Variants in ARL5B observed in about 807,000 individuals in gnomAD.
ARL5B encodes ARF like GTPase 5B.
A neutral mutation model predicts 26.9 loss-of-function variants in ARL5B; 10 were observed. That is an observed-to-expected ratio of 0.37 (90% CI 0.23 to 0.63). ARL5B has a LOEUF of 0.63. Ranked by LOEUF, ARL5B falls within the 30% of genes least tolerant of loss-of-function variation. The probability of loss-of-function intolerance (pLI) is 0.62; values close to 1 mark genes in which losing one functional copy is unlikely to be tolerated. For synonymous variants in ARL5B, 87 were observed against 70.4 expected (o/e 1.24, Z -1.18); for missense variants, 167 against 213.9 (o/e 0.78, Z 1.37).
intron 3 of ARL5B, among the ~76,000 whole-genome samples, chr10:18,669,466 A>G (rs140246367): frequency 6.6e-6 from 1 of 152,288 alleles, no homozygotes; most frequent in Non-Finnish European, 1.5e-5. Flanking sequence ...ATCATCTCTC[A>G]AAGTTCTCTG....
chr10:18,662,465 G>A (rs1477405394), intron 1 of ARL5B, among the ~76,000 whole-genome samples: 1 of 152,116 alleles, frequency 6.6e-6, no homozygotes, highest in Non-Finnish European at 1.5e-5. Flanking sequence ...CTGGAAGCCT[G>A]TTTACTTCGA....
Position 18,679,321 on chromosome 10 carries a change from T to G in ARL5B, c.*4105T>G, listed in dbSNP as rs2059923200. ...TAATTGAATGGAAGTGGTTAATTTG[T>G]TCAGAGTTTATTGCCGTTTGATGCC... On this transcript the variant is annotated 3_prime_UTR_variant, in exon 6 of 6. Coordinates refer to ENST00000377275, the MANE Select transcript of ARL5B (RefSeq NM_178815.5). The G allele has an allele frequency of 6.6e-6, 1 of 151,982 alleles. No individual in the cohort carries two copies. Among genetic ancestry groups the G allele is most frequent in the African/African-American group, 2.4e-5 (1 of 41,432 alleles). The allele number at this position is 151,982 out of a possible 1,614,324, so 9.4% of individuals were successfully genotyped here.
At chr10:18,666,692 C>CAATT in intron 2 of ARL5B, 57 bp downstream of exon 2, 1 of 1,390,192 alleles carries the variant, frequency 7.2e-7, no homozygotes, top group East Asian at 2.4e-5. Context: ...AATGTGTTTA[C>CAATT]AATTAATAAG....
chr10:18,670,346 C>T (rs1428141433), intron 3 of ARL5B, among the ~76,000 whole-genome samples: 2 of 152,156 alleles, frequency 1.3e-5, no homozygotes, highest in African/African-American at 4.8e-5. Context: ...CGCAGTGGCT[C>T]ACTTCTGTAA....
intron 3 of ARL5B, among the ~76,000 whole-genome samples, chr10:18,671,668 C>A (rs1257968497): frequency 2.6e-5 from 4 of 151,094 alleles, no homozygotes; most frequent in African/African-American, 9.7e-5. Flanking sequence ...CCTCACCCAC[C>A]CCCCACATTT....
chr10:18,663,254 C>T (rs1029125279), intron 1 of ARL5B, among the ~76,000 whole-genome samples: 11 of 151,934 alleles, frequency 7.2e-5, no homozygotes, highest in African/African-American at 2.4e-4. Flanking sequence ...GTGATCTACT[C>T]GCCTCCCAAA....
chr10:18,675,367 A>T lies in ARL5B; in HGVS notation c.*151A>T. The T allele has an allele frequency of 3.0e-6, 2 of 671,202 alleles. No individual in the cohort carries two copies. Among genetic ancestry groups the T allele is most frequent in the South Asian group, 2.4e-5 (1 of 42,496 alleles). The allele number at this position is 671,202 out of a possible 1,614,324, so 41.6% of individuals were successfully genotyped here. On this transcript the variant is annotated 3_prime_UTR_variant, in exon 6 of 6. Coordinates refer to ENST00000377275, the MANE Select transcript of ARL5B (RefSeq NM_178815.5). ...GAATCAAGTGCAGCTGAACTGGAAC[A>T]TAAAAGATTTTTTCTTAACTTTTTT...
chr10:18,678,750 G>A lies in ARL5B; in HGVS notation c.*3534G>A, dbSNP rs950316903. 6 of 151,542 alleles carry A rather than the reference G, an allele frequency of 4.0e-5. No homozygotes were observed. The highest frequency in any genetic ancestry group is 1.3e-4 in the Admixed American group (2 of 15,154). The allele number at this position is 151,542 out of a possible 1,614,324, so 9.4% of individuals were successfully genotyped here. A position where few individuals can be genotyped will look rare whatever the true frequency, so the allele number is the denominator to read the frequency against. ...CCTAAAGGCTATTTTACATTTTGCC[G>A]GGGTAAAGTGACTTCAAGATACAGC... On this transcript the variant is annotated 3_prime_UTR_variant, in exon 6 of 6. Transcript: ENST00000377275.
intron 4 of ARL5B, among the ~76,000 whole-genome samples, 158 bp downstream of exon 4, chr10:18,672,863 T>A (rs1181944960): frequency 6.6e-6 from 1 of 152,006 alleles, no homozygotes; most frequent in South Asian, 2.1e-4. Flanking sequence ...TAAAAAAAAA[T>A]GTTCATTACT....
chr10:18,668,318 G>A (rs949905359), intron 2 of ARL5B, among the ~76,000 whole-genome samples: 4 of 150,114 alleles, frequency 2.7e-5, no homozygotes, highest in African/African-American at 7.4e-5. Flanking sequence ...AATTCCTTCC[G>A]TTAAAAAAAA....
intron 1 of ARL5B, among the ~76,000 whole-genome samples, chr10:18,660,597 A>T (rs1327817959): frequency 6.6e-6 from 1 of 152,198 alleles, no homozygotes; most frequent in Non-Finnish European, 1.5e-5. Flanking sequence ...TAATGTAGGT[A>T]TCTAATCTTT....
At chr10:18,663,116 C>A (rs1009991449) in intron 1 of ARL5B, among the ~76,000 whole-genome samples, 5 of 152,138 alleles carry the variant, frequency 3.3e-5, no homozygotes, top group African/African-American at 1.2e-4. Flanking sequence ...TCAAGCAATT[C>A]TCCTGCCCCA....
At chr10:18,668,443 GTTGA>G in intron 2 of ARL5B, 83 bp from the exon 3 acceptor site, 4 of 1,433,338 alleles carry the variant, frequency 2.8e-6, no homozygotes, top group South Asian at 2.5e-5. Context: ...GGTGCAGAAG[GTTGA>G]TTGATCTTAA....
intron 1 of ARL5B, among the ~76,000 whole-genome samples, chr10:18,664,522 C>T (rs1338362266): frequency 6.9e-6 from 1 of 145,330 alleles, no homozygotes; most frequent in Non-Finnish European, 1.5e-5. Context: ...ACCGCAAGCT[C>T]CGTCTTCCGG....
intron 1 of ARL5B, among the ~76,000 whole-genome samples, chr10:18,660,630 AG>A (rs1189506059): frequency 1.3e-5 from 2 of 152,118 alleles, no homozygotes; most frequent in African/African-American, 4.8e-5. Flanking sequence ...GAAGTTGTGG[AG>A]GTAATGGAAT....
rs2059926168 is a variant in ARL5B at position 18,680,074 on chromosome 10, C to G, written c.*4858C>G. The G allele has an allele frequency of 1.3e-5, 2 of 151,868 alleles. No homozygotes were observed. Among genetic ancestry groups the G allele is most frequent in the African/African-American group, 4.8e-5 (2 of 41,380 alleles). 9.4% of individuals were successfully genotyped at this position (151,868 alleles called of 1,614,324 possible). Reference sequence around the variant, plus strand: ...GAAATATGAAATGTGCTGTGCATAGCTTTTGGAATAGAAAACAAAGTTTTA... The same window carrying G: ...GAAATATGAAATGTGCTGTGCATAGGTTTTGGAATAGAAAACAAAGTTTTA... On this transcript the variant is annotated 3_prime_UTR_variant, in exon 6 of 6. Coordinates refer to ENST00000377275, the MANE Select transcript of ARL5B (RefSeq NM_178815.5).
intron 1 of ARL5B, among the ~76,000 whole-genome samples, chr10:18,666,340 A>G (rs1305297222): frequency 6.6e-6 from 1 of 152,226 alleles, no homozygotes; most frequent in Admixed American, 6.5e-5. Flanking sequence ...TTTCCTGCCT[A>G]CCCATCTCCC....
chr10:18,668,788 T>TA (rs1265704655), intron 3 of ARL5B, 111 bp downstream of exon 3: 12 of 955,270 alleles, frequency 1.3e-5, no homozygotes, highest in East Asian at 2.8e-5. Flanking sequence ...TTTTTTTTTT[T>TA]AAGACGGAGT....
chr10:18,668,822 TG>T (rs1387471782), intron 3 of ARL5B, 145 bp downstream of exon 3: 4 of 845,016 alleles, frequency 4.7e-6, no homozygotes, highest in Admixed American at 3.4e-5. Context: ...CAGGCTAGAG[TG>T]CAGTGGAGTG....
Sources: allele counts gnomAD v4.1 joint callset (sites outside exome capture counted in the v4.1 genomes callset), GRCh38; gene constraint gnomAD v4.1.1; transcripts MANE v1.5; gene names NCBI Gene and HGNC (gene_info 2026-07-23, HGNC 2026-07-21).